RERG: variants seen among roughly 807,000 people sequenced by gnomAD.
RERG encodes the protein ras-related and estrogen-regulated growth inhibitor.
Under a neutral mutation model 23.2 loss-of-function variants are expected in RERG, and 25 were observed. The observed-to-expected ratio is 1.08, with a 90% CI of 0.79 to 1.50. The LOEUF (loss-of-function observed/expected upper bound fraction) is 1.50, where lower values mean the gene tolerates loss of function less well. Ranked by LOEUF, RERG falls within the 40% of genes most tolerant of loss-of-function variation. The pLI, the probability that RERG is intolerant of heterozygous loss-of-function variation, is 0.00. For synonymous variants in RERG, 81 were observed against 89.1 expected (o/e 0.91, Z 0.51); for missense variants, 253 against 250.1 (o/e 1.01, Z -0.08).
chr12:15,201,403 G>C (rs1315549651), intron 2 of RERG, among the ~76,000 whole-genome samples: 1 of 151,558 alleles, frequency 6.6e-6, no homozygotes, highest in Non-Finnish European at 1.5e-5. Context: ...TACTTACTTT[G>C]CACCTCAATC....
intron 2 of RERG, among the ~76,000 whole-genome samples, chr12:15,142,733 T>A (rs1253442881): frequency 6.6e-6 from 1 of 152,130 alleles, no homozygotes; most frequent in Non-Finnish European, 1.5e-5. Flanking sequence ...AATAAAAATG[T>A]AACACCAGTC....
At chr12:15,177,190 C>G (rs990149446) in intron 2 of RERG, among the ~76,000 whole-genome samples, 2 of 152,198 alleles carry the variant, frequency 1.3e-5, no homozygotes, top group African/African-American at 2.4e-5. Context: ...CTGTGGCTCA[C>G]ACCTGTAATC....
intron 2 of RERG, chr12:15,151,967 T>G (rs947696508): frequency 6.6e-6 from 1 of 152,240 alleles, no homozygotes; most frequent in Admixed American, 6.5e-5. Flanking sequence ...GTTATTACCA[T>G]GACAACAAGA....
At chr12:15,175,928 G>T (rs1864845097) in intron 2 of RERG, among the ~76,000 whole-genome samples, 1 of 152,178 alleles carries the variant, frequency 6.6e-6, no homozygotes, top group South Asian at 2.1e-4. Context: ...CAGAGATGGG[G>T]AAAGAGTGAT....
At chr12:15,219,539 G>T (rs536644203) in intron 1 of RERG, among the ~76,000 whole-genome samples, 1 of 152,268 alleles carries the variant, frequency 6.6e-6, no homozygotes, top group African/African-American at 2.4e-5. Context: ...TTTGGCTAAA[G>T]ATAAAAAGAT....
intron 3 of RERG, among the ~76,000 whole-genome samples, chr12:15,117,918 C>G (rs1863758996): frequency 6.6e-6 from 1 of 152,120 alleles, no homozygotes; most frequent in African/African-American, 2.4e-5. Flanking sequence ...ATCTTATGAG[C>G]TTCAGTGGTG....
intron 2 of RERG, among the ~76,000 whole-genome samples, chr12:15,133,477 T>C (rs1181101769): frequency 6.6e-6 from 1 of 152,116 alleles, no homozygotes; most frequent in Non-Finnish European, 1.5e-5. Context: ...CACAGTTTGT[T>C]TATCCATTCA....
At chr12:15,132,287 A>C (rs1864061783) in intron 2 of RERG, among the ~76,000 whole-genome samples, 3 of 152,190 alleles carry the variant, frequency 2.0e-5, no homozygotes, top group Admixed American at 2.0e-4. Flanking sequence ...TAATAATTGG[A>C]AATATACAGT....
chr12:15,212,360 C>T (rs977782449), intron 2 of RERG, among the ~76,000 whole-genome samples: 6 of 151,746 alleles, frequency 4.0e-5, no homozygotes, highest in Admixed American at 2.0e-4. Flanking sequence ...CGCCCGGCCA[C>T]GAATAAACTT....
Position 15,109,280 on chromosome 12 carries a change from A to C in RERG, c.430T>G (p.Phe144Val). The C allele has an allele frequency of 6.2e-7, 1 of 1,614,102 alleles. No individual in the cohort carries two copies. ...EKLATELACA[F>V]YECSACTGEG... is the part of the protein sequence containing the mutation. The stretch of plus-strand genomic sequence containing the variant: ...CCAGTGCAGGCAGAGCACTCGTAAA[A>C]AGCACAAGCCAATTCTGTGGCCAGC... The change falls in exon 5 of 5, where the codon TTT becomes GTT. Residue 144 changes from phenylalanine (F) to valine (V), a missense_variant. Phe to Val is a conservative substitution (Grantham distance 50). Transcript: ENST00000256953.
Position 15,108,877 on chromosome 12 carries a change from T to A in RERG, c.*233A>T. The stretch of plus-strand genomic sequence containing the variant: ...CATTTCAGAATCTCTGGTGATTACA[T>A]GTTCAAATGCCATTAGAGTGTATCT... On this transcript the variant is annotated 3_prime_UTR_variant, in exon 5 of 5. Coordinates refer to ENST00000256953, the MANE Select transcript of RERG (RefSeq NM_032918.3). 1 of 413,568 alleles carries A rather than the reference T, an allele frequency of 2.4e-6. No individual in the cohort carries two copies. Among genetic ancestry groups the A allele is most frequent in the Non-Finnish European group, 4.2e-6 (1 of 236,664 alleles). The allele number at this position is 413,568 out of a possible 1,614,324, so 25.6% of individuals were successfully genotyped here.
intron 2 of RERG, among the ~76,000 whole-genome samples, chr12:15,123,372 C>T (rs7313844): frequency 0.12 from 18,233 of 151,404 alleles, 1,166 homozygotes; most frequent in African/African-American, 0.13. Flanking sequence ...TGCAGCAATA[C>T]TTTCTGAAGC....
intron 2 of RERG, among the ~76,000 whole-genome samples, chr12:15,174,071 A>C (rs924193512): frequency 1.3e-5 from 2 of 152,022 alleles, no homozygotes; most frequent in African/African-American, 4.8e-5. Flanking sequence ...TTCTGTATGA[A>C]GGATTCCTTT....
intron 2 of RERG, among the ~76,000 whole-genome samples, chr12:15,208,408 T>A (rs887286613): frequency 6.6e-6 from 1 of 152,188 alleles, no homozygotes; most frequent in African/African-American, 2.4e-5. Context: ...ACTTTGGTCA[T>A]AATAAGGAGA....
chr12:15,198,653 A>C (rs939858943), intron 2 of RERG, among the ~76,000 whole-genome samples: 2 of 152,172 alleles, frequency 1.3e-5, no homozygotes, highest in Non-Finnish European at 2.9e-5. Flanking sequence ...GTAGATTAGA[A>C]GTATGACACA....
intron 2 of RERG, chr12:15,151,817 C>A (rs1436402363): frequency 6.6e-6 from 1 of 152,164 alleles, no homozygotes; most frequent in Non-Finnish European, 1.5e-5. Flanking sequence ...CTTTATAAAT[C>A]AGGTCAGTCT....
intron 2 of RERG, among the ~76,000 whole-genome samples, chr12:15,175,333 C>CTCTG (rs1864833623): frequency 8.9e-6 from 1 of 112,178 alleles, no homozygotes; most frequent in Non-Finnish European, 1.8e-5. Context: ...CTCTCAGGCT[C>CTCTG]TGTGTGTGTG....
At chr12:15,218,876 T>C (rs1565541424) in intron 1 of RERG, among the ~76,000 whole-genome samples, 1 of 151,960 alleles carries the variant, frequency 6.6e-6, no homozygotes. Flanking sequence ...TCTTAATCAC[T>C]CTAAAAGCAT....
chr12:15,174,475 AGTGTGTGTGTGTGT>A (rs35380924), intron 2 of RERG, among the ~76,000 whole-genome samples: 1 of 147,898 alleles, frequency 6.8e-6, no homozygotes, highest in Non-Finnish European at 1.5e-5. Flanking sequence ...GAGTTTGTTG[AGTGTGTGTGTGTGT>A]GTGTGTGTAT....
Sources: gnomAD v4.1 joint callset for allele counts (sites outside exome capture counted in the v4.1 genomes callset) on GRCh38, gnomAD v4.1.1 for gene constraint, MANE v1.5 for transcripts, NCBI Gene and HGNC (gene_info 2026-07-23, HGNC 2026-07-21) for gene names.